TCAIM: variants seen among roughly 807,000 people sequenced by gnomAD.
TCAIM encodes T cell activation inhibitor, mitochondrial.
Under a neutral mutation model 58.6 loss-of-function variants are expected in TCAIM, and 36 were observed. The ratio of observed to expected loss-of-function variants is 0.61; its 90% CI spans 0.47 to 0.81. TCAIM has a LOEUF of 0.81. TCAIM is among the 30% of genes least tolerant of loss of function. The pLI, the probability that TCAIM is intolerant of heterozygous loss-of-function variation, is 0.00. For synonymous variants in TCAIM, 172 were observed against 193.6 expected (o/e 0.89, Z 0.93); for missense variants, 466 against 579.6 (o/e 0.80, Z 2.01).
intron 1 of TCAIM, chr3:44,340,480 T>A (rs1012305709): frequency 1.3e-5 from 2 of 152,238 alleles, no homozygotes; most frequent in East Asian, 3.9e-4. Flanking sequence ...TTGGTTTTTT[T>A]AATCTGAAAA....
At position 44,407,584 on chromosome 3, in the gene TCAIM, C is replaced by A; in HGVS notation, c.1393C>A (p.His465Asn). The A allele has an allele frequency of 6.2e-7, 1 of 1,614,004 alleles. No individual in the cohort carries two copies. The highest frequency in any genetic ancestry group is 8.5e-7 in the Non-Finnish European group (1 of 1,179,958). Reference sequence around the variant, plus strand: ...TCTAGAACAATCACTGCCTTACCTACATGGGATGCACCTCTGCATTTCACA... The same window carrying A: ...TCTAGAACAATCACTGCCTTACCTAAATGGGATGCACCTCTGCATTTCACA... ...RLLEQSLPYLHGMHLCISHFY... is the reference protein window; with the variant it reads ...RLLEQSLPYLNGMHLCISHFY... Residue 465 changes from histidine to asparagine, a missense_variant, in exon 11 of 11, where the codon CAT becomes AAT. Physicochemically the swap from His to Asn is moderately conservative, Grantham distance 68 (BLOSUM62 1). Transcript: ENST00000342649.
In TCAIM at chr3:44,401,269, A is replaced by C; in HGVS notation, c.1185A>C (p.Ala395=). ...HFNIPTLCDP[A]NLQWFILTKA... is the part of the protein sequence containing the mutation. ...ATATTCCAACACTCTGTGATCCAGC[A>C]AATCTCCAGTGGTTTATTCTCACCA... Residue 395 remains alanine, a synonymous_variant, in exon 10 of 11, where the codon GCA becomes GCC. Transcript: ENST00000342649. 1 of 1,614,108 alleles carries C rather than the reference A, an allele frequency of 6.2e-7. No homozygotes were observed. Among genetic ancestry groups the C allele is most frequent in the South Asian group, 1.1e-5 (1 of 91,084 alleles).
chr3:44,386,736 G>A (rs534849636), intron 5 of TCAIM, among the ~76,000 whole-genome samples: 13 of 152,256 alleles, frequency 8.5e-5, no homozygotes, highest in Non-Finnish European at 1.3e-4. Context: ...GACTTTGGGC[G>A]CTGATGAGCA....
At chr3:44,371,984 T>TAG (rs200207555) in intron 5 of TCAIM, among the ~76,000 whole-genome samples, 2,475 of 126,200 alleles carry the variant, frequency 0.02, 49 homozygotes, top group African/African-American at 0.049. Context: ...GAAATAGTAA[T>TAG]AGAGAGAGAG....
At chr3:44,349,351 G>C (rs148481866) in intron 1 of TCAIM, among the ~76,000 whole-genome samples, 3 of 152,172 alleles carry the variant, frequency 2.0e-5, no homozygotes, top group Non-Finnish European at 4.4e-5. Context: ...TGGCTACTTG[G>C]AACTATTGTC....
chr3:44,380,609 C>T (rs984328709), intron 5 of TCAIM, among the ~76,000 whole-genome samples: 5 of 151,642 alleles, frequency 3.3e-5, no homozygotes, highest in African/African-American at 1.2e-4. Flanking sequence ...ATAAACTAAA[C>T]CCAAAACTAG....
intron 1 of TCAIM, among the ~76,000 whole-genome samples, chr3:44,345,986 AG>A (rs1440539226): frequency 6.6e-6 from 1 of 152,168 alleles, no homozygotes; most frequent in African/African-American, 2.4e-5. Flanking sequence ...AGTCCAAGTT[AG>A]GCTGGTGTCT....
At chr3:44,346,676 A>G (rs1027441206) in intron 1 of TCAIM, among the ~76,000 whole-genome samples, 2 of 152,180 alleles carry the variant, frequency 1.3e-5, no homozygotes, top group African/African-American at 2.4e-5. Context: ...GTAGGGAGTG[A>G]GTTGAGCATA....
chr3:44,369,655 T>C (rs1222208886), intron 5 of TCAIM, among the ~76,000 whole-genome samples: 1 of 152,200 alleles, frequency 6.6e-6, no homozygotes, highest in Non-Finnish European at 1.5e-5. Context: ...ATTTTTTTAT[T>C]TGTATGTCAT....
Position 44,407,952 on chromosome 3 carries a change from A to C in TCAIM, c.*270A>C, listed in dbSNP as rs1256271711. 1 of 257,348 alleles carries C rather than the reference A, an allele frequency of 3.9e-6. No individual in the cohort carries two copies. The highest frequency in any genetic ancestry group is 8.2e-5 in the East Asian group (1 of 12,152). The allele number at this position is 257,348 out of a possible 1,614,324, so 15.9% of individuals were successfully genotyped here. On this transcript the variant is annotated 3_prime_UTR_variant, in exon 11 of 11. Transcript: ENST00000342649. ...AGGAGGCCAAGGTTGCAGTGGGCCC[A>C]GATTGCACCATTGCCCTCCAGCCTG...
chr3:44,343,192 A>C (rs922492389), intron 1 of TCAIM, among the ~76,000 whole-genome samples: 1 of 152,038 alleles, frequency 6.6e-6, no homozygotes, highest in African/African-American at 2.4e-5. Flanking sequence ...TTAACCATCT[A>C]TGTTATTTAA....
chr3:44,358,297 A>G (rs1701237749), intron 3 of TCAIM: 1 of 940,186 alleles, frequency 1.1e-6, no homozygotes. Flanking sequence ...CTACAACATC[A>G]GTTAATGTGT....
chr3:44,367,843 G>A, intron 5 of TCAIM, 135 bp downstream of exon 5: 1 of 859,214 alleles, frequency 1.2e-6, no homozygotes, highest in Non-Finnish European at 1.7e-6. Context: ...TAATTTTCCA[G>A]GAAAAGTAAT....
intron 10 of TCAIM, among the ~76,000 whole-genome samples, chr3:44,401,937 G>T (rs903251366): frequency 5.9e-5 from 9 of 152,128 alleles, no homozygotes; most frequent in African/African-American, 2.2e-4. Context: ...GGAGACTGAG[G>T]CAGGAGAATG....
At chr3:44,405,867 G>T (rs943267522) in intron 10 of TCAIM, among the ~76,000 whole-genome samples, 1 of 148,224 alleles carries the variant, frequency 6.7e-6, no homozygotes, top group African/African-American at 2.5e-5. Context: ...CAGGAGAATC[G>T]CTTGAACCTG....
chr3:44,378,625 A>AC lies in TCAIM; in HGVS notation c.572+10918dup, dbSNP rs1265932176. On this transcript the variant is annotated intron_variant, in intron 5 of 10. Coordinates refer to ENST00000342649, the MANE Select transcript of TCAIM (RefSeq NM_173826.4). Reference sequence around the variant, plus strand: ...AGGCTGTTCAAGAACAGCCTGGCCAACATGGTGAAACCCCATGCTCCTAAA... The same window carrying AC: ...AGGCTGTTCAAGAACAGCCTGGCCAACCATGGTGAAACCCCATGCTCCTAAA... 2.0e-5 allele frequency among the ~76,000 whole-genome samples: 3 copies of AC among 151,940 alleles called. No homozygotes were observed. The South Asian group carries it at 6.2e-4, about 32-fold the overall frequency.
At chr3:44,357,961 A>G in intron 3 of TCAIM, 85 bp downstream of exon 3, 1 of 1,486,824 alleles carries the variant, frequency 6.7e-7, no homozygotes, top group Non-Finnish European at 9.0e-7. Flanking sequence ...AGTTCTATAA[A>G]TGTGGATTAT....
At chr3:44,396,953 T>C in intron 8 of TCAIM, 119 bp downstream of exon 8, 2 of 935,910 alleles carry the variant, frequency 2.1e-6, no homozygotes, top group Non-Finnish European at 3.2e-6. Flanking sequence ...TGTTTTTTAA[T>C]GTTTTTAATC....
rs1365551163 is a variant in TCAIM, at chr3:44,407,931, G to A, written c.*249G>A. On this transcript the variant is annotated 3_prime_UTR_variant, in exon 11 of 11. Transcript: ENST00000342649. ...ATAGGAGGATCACTTGAGCCCAGGAGGCCAAGGTTGCAGTGGGCCCAGATT... is the reference window on the plus strand; with the variant it reads ...ATAGGAGGATCACTTGAGCCCAGGAAGCCAAGGTTGCAGTGGGCCCAGATT... The A allele has an allele frequency of 3.3e-6, 1 of 301,694 alleles. No individual in the cohort carries two copies. Among genetic ancestry groups the A allele is most frequent in the Non-Finnish European group, 6.0e-6 (1 of 166,192 alleles). 18.7% of individuals were successfully genotyped at this position (301,694 alleles called of 1,614,324 possible).
Sources: allele counts gnomAD v4.1 joint callset (sites outside exome capture counted in the v4.1 genomes callset), GRCh38; gene constraint gnomAD v4.1.1; transcripts MANE v1.5; gene names NCBI Gene and HGNC (gene_info 2026-07-23, HGNC 2026-07-21).